Variants in ESR1 observed in about 807,000 individuals in gnomAD.
The protein encoded by ESR1 is estrogen receptor 1, also known as estrogen receptor.
Under a neutral mutation model 52.7 loss-of-function variants are expected in ESR1, and 12 were observed. The ratio of observed to expected loss-of-function variants is 0.23; its 90% CI spans 0.15 to 0.37. The LOEUF (loss-of-function observed/expected upper bound fraction) is 0.37. ESR1 is among the 10% of genes least tolerant of loss of function. The probability of loss-of-function intolerance (pLI) is 1.00; values close to 1 mark genes in which losing one functional copy is unlikely to be tolerated. For synonymous variants in ESR1, 305 were observed against 316.8 expected, an observed-to-expected ratio of 0.96 and a Z score of 0.39; for missense variants, 584 against 779.7, an observed-to-expected ratio of 0.75 and a Z score of 2.99.
chr6:151,810,931 T>A (rs1241324436), intron 1 of ESR1: 1 of 152,248 alleles, frequency 6.6e-6, no homozygotes, highest in Admixed American at 6.5e-5. Context: ...GTCTTCATTT[T>A]CCCCTTATAA....
chr6:152,040,828 T>C (rs1383425455), intron 5 of ESR1, among the ~76,000 whole-genome samples: 1 of 152,120 alleles, frequency 6.6e-6, no homozygotes, highest in African/African-American at 2.4e-5. Context: ...CAGTGCAGGC[T>C]GGGGGAGAGA....
chr6:152,020,972 T>C (rs1336125440), intron 5 of ESR1, among the ~76,000 whole-genome samples: 1 of 152,256 alleles, frequency 6.6e-6, no homozygotes, highest in African/African-American at 2.4e-5. Context: ...TTTCTTTTAA[T>C]GCTTTTAGAG....
At chr6:151,981,580 A>C (rs1376296941) in intron 4 of ESR1, among the ~76,000 whole-genome samples, 1 of 152,232 alleles carries the variant, frequency 6.6e-6, no homozygotes, top group Non-Finnish European at 1.5e-5. Context: ...TTTAAACATA[A>C]GGCATTGTTT....
chr6:151,934,210 C>T (rs537397620), intron 3 of ESR1, among the ~76,000 whole-genome samples: 2 of 152,326 alleles, frequency 1.3e-5, no homozygotes, highest in East Asian at 3.9e-4. Flanking sequence ...TCACCCTTCT[C>T]ACTTCATTCT....
intron 2 of ESR1, among the ~76,000 whole-genome samples, chr6:151,733,247 T>C (rs1258206963): frequency 1.3e-5 from 2 of 152,152 alleles, no homozygotes; most frequent in Non-Finnish European, 2.9e-5. Flanking sequence ...GTCGAGCTAG[T>C]ATTTGGACCC....
chr6:151,758,777 A>G (rs1474066539), intron 2 of ESR1, among the ~76,000 whole-genome samples: 3 of 145,012 alleles, frequency 2.1e-5, no homozygotes, highest in Non-Finnish European at 4.5e-5. Context: ...AAAAAAAAAA[A>G]GAAGAAGGAG....
rs1777770687 is a variant in ESR1 at position 151,664,975 on chromosome 6, A to C, written n.73+8212A>C. Among the ~76,000 whole-genome samples the C allele has an allele frequency of 5.3e-5, 8 of 152,336 alleles. No individual in the cohort carries two copies. The South Asian group carries it at 1.5e-3, about 28-fold the overall frequency. ...CAATTACTGCCTCCAATTGTTAAAT[A>C]GGTAGATAACATGCCAGCTTTAACT... On this transcript the variant is annotated intron_variant and non_coding_transcript_variant, in intron 1 of 2. Coordinates refer to the ESR1 transcript ENST00000473497.
chr6:151,755,693 T>C lies in ESR1; in HGVS notation c.-70-52150T>C, dbSNP rs1452138679. Among the ~76,000 whole-genome samples the C allele has an allele frequency of 2.6e-5, 4 of 152,134 alleles. No homozygotes were observed. The East Asian group carries it at 5.8e-4, about 22-fold the overall frequency. On this transcript the variant is annotated intron_variant, in intron 2 of 2. Transcript: ENST00000404742. ...TCATCCAGCCTGGAGAGCAGTGGCA[T>C]GATCTCTACTCACTGCAACTTCCGC...
At position 152,100,129 on chromosome 6, in the gene ESR1, A is replaced by G; in HGVS notation, c.*1163A>G. ...GCAGCTACCTAGGAACATTCCTTGCAGACCCCGCATTGCCCTTTGGGGGTG... is the reference window on the plus strand; with the variant it reads ...GCAGCTACCTAGGAACATTCCTTGCGGACCCCGCATTGCCCTTTGGGGGTG... On this transcript the variant is annotated 3_prime_UTR_variant, in exon 8 of 8. Coordinates refer to ENST00000206249, the MANE Select transcript of ESR1 (RefSeq NM_000125.4). 2.5e-6 allele frequency: 1 copy of G among 398,774 alleles called. No individual in the cohort carries two copies. The highest frequency in any genetic ancestry group is 4.4e-6 in the Non-Finnish European group (1 of 226,182). The allele number at this position is 398,774 out of a possible 1,614,324, so 24.7% of individuals were successfully genotyped here. A position where few individuals can be genotyped will look rare whatever the true frequency, so the allele number is the denominator to read the frequency against.
chr6:151,820,439 A>T (rs570697044), intron 1 of ESR1, among the ~76,000 whole-genome samples: 2 of 152,208 alleles, frequency 1.3e-5, no homozygotes, highest in Non-Finnish European at 2.9e-5. Flanking sequence ...TTTAAACCTT[A>T]CATTTCTCAT....
chr6:151,793,633 A>G (rs188162490), intron 2 of ESR1, among the ~76,000 whole-genome samples: 1 of 152,332 alleles, frequency 6.6e-6, no homozygotes, highest in East Asian at 1.9e-4. Flanking sequence ...TAGGACAGCT[A>G]CAATGTCAGG....
intron 1 of ESR1, among the ~76,000 whole-genome samples, chr6:151,697,864 T>C (rs1285104179): frequency 6.6e-6 from 1 of 151,874 alleles, no homozygotes; most frequent in East Asian, 1.9e-4. Context: ...TTTGGGAGGC[T>C]GAGGCAGGCA....
At chr6:151,915,433 G>A (rs542031190) in intron 3 of ESR1, among the ~76,000 whole-genome samples, 5 of 152,090 alleles carry the variant, frequency 3.3e-5, no homozygotes, top group South Asian at 4.1e-4. Flanking sequence ...TATTTGGGCC[G>A]CAATCTTTTC....
chr6:151,749,295 A>C (rs1783725409), intron 2 of ESR1, among the ~76,000 whole-genome samples: 1 of 152,204 alleles, frequency 6.6e-6, no homozygotes, highest in African/African-American at 2.4e-5. Context: ...TTCGATTGTC[A>C]TATGGTAAGT....
chr6:151,741,129 C>G (rs945280756), intron 2 of ESR1, among the ~76,000 whole-genome samples: 1 of 152,092 alleles, frequency 6.6e-6, no homozygotes, highest in Non-Finnish European at 1.5e-5. Flanking sequence ...TAGCAATGTC[C>G]ATTTTCTATC....
intron 2 of ESR1, among the ~76,000 whole-genome samples, chr6:151,782,620 A>G (rs1303390053): frequency 2.6e-5 from 4 of 152,114 alleles, no homozygotes; most frequent in Non-Finnish European, 4.4e-5. Flanking sequence ...AAATGTGTGC[A>G]CCTATTTAAA....
intron 1 of ESR1, among the ~76,000 whole-genome samples, chr6:151,678,773 A>C (rs2115285066): frequency 6.8e-6 from 1 of 146,780 alleles, no homozygotes; most frequent in East Asian, 2.1e-4. Context: ...TGCAACCTCC[A>C]CCTCCTGGGT....
chr6:151,751,330 G>C (rs562960687), intron 2 of ESR1, among the ~76,000 whole-genome samples: 1 of 152,156 alleles, frequency 6.6e-6, no homozygotes, highest in South Asian at 2.1e-4. Flanking sequence ...TTTATTATCT[G>C]TTTGAGAGTA....
intron 4 of ESR1, among the ~76,000 whole-genome samples, chr6:151,991,600 C>T (rs2041025632): frequency 1.3e-5 from 2 of 152,076 alleles, no homozygotes; most frequent in Admixed American, 1.3e-4. Flanking sequence ...GAGAAAATTT[C>T]ACAGAGAAAA....
Sources: gnomAD v4.1 joint callset for allele counts (sites outside exome capture counted in the v4.1 genomes callset) on GRCh38, gnomAD v4.1.1 for gene constraint, MANE v1.5 for transcripts, NCBI Gene and HGNC (gene_info 2026-07-23, HGNC 2026-07-21) for gene names.